The following SND1 variants were observed in gnomAD, a reference collection of about 807,000 sequenced individuals.
SND1 encodes staphylococcal nuclease and tudor domain containing 1, also known as staphylococcal nuclease domain-containing protein 1.
In SND1, 38 loss-of-function variants were observed where a neutral mutation model predicts 121.7. The ratio of observed to expected loss-of-function variants is 0.31; its 90% CI spans 0.24 to 0.41. The LOEUF (loss-of-function observed/expected upper bound fraction) is 0.41, where lower values mean the gene tolerates loss of function less well. SND1 is among the 10% of genes least tolerant of loss of function. The pLI is 1.00. For synonymous variants in SND1, 401 were observed against 447.4 expected (o/e 0.90, Z 1.31); for missense variants, 868 against 1,184.6 (o/e 0.73, Z 3.92).
At chr7:127,762,469 A>G (rs1797321703) in intron 10 of SND1, among the ~76,000 whole-genome samples, 1 of 152,182 alleles carries the variant, frequency 6.6e-6, no homozygotes, top group Non-Finnish European at 1.5e-5. Context: ...GGAGCACCAG[A>G]TTAGGACCCA....
At chr7:127,658,508 A>G (rs749418279) in intron 1 of SND1, among the ~76,000 whole-genome samples, 4 of 152,246 alleles carry the variant, frequency 2.6e-5, no homozygotes, top group Non-Finnish European at 4.4e-5. Flanking sequence ...AGAGCTAAAT[A>G]GCATCTAGAA....
chr7:127,799,525 A>T (rs1798089711), intron 10 of SND1, among the ~76,000 whole-genome samples: 1 of 152,166 alleles, frequency 6.6e-6, no homozygotes. Context: ...GAGAAATTGG[A>T]GGGTCCTACA....
At chr7:127,831,931 A>G (rs1282996716) in intron 11 of SND1, among the ~76,000 whole-genome samples, 1 of 152,188 alleles carries the variant, frequency 6.6e-6, no homozygotes, top group Admixed American at 6.5e-5. Flanking sequence ...GCCCTTCTAC[A>G]GTGCCAAGTA....
intron 17 of SND1, among the ~76,000 whole-genome samples, chr7:128,079,509 G>T (rs968261131): frequency 3.3e-5 from 5 of 152,236 alleles, no homozygotes; most frequent in African/African-American, 1.2e-4. Context: ...TATTTGGGTA[G>T]GAGGCCAGAC....
At chr7:127,665,016 A>G (rs1795387970) in intron 1 of SND1, among the ~76,000 whole-genome samples, 1 of 152,122 alleles carries the variant, frequency 6.6e-6, no homozygotes, top group African/African-American at 2.4e-5. Context: ...GTTTGGGGAG[A>G]TATCACTGGA....
intron 16 of SND1, among the ~76,000 whole-genome samples, chr7:128,058,394 G>T (rs1309780502): frequency 6.6e-6 from 1 of 152,232 alleles, no homozygotes; most frequent in East Asian, 1.9e-4. Flanking sequence ...TGAAGAAACT[G>T]AAGCACAAAG....
At chr7:127,670,834 T>TAA (rs930807697) in intron 1 of SND1, among the ~76,000 whole-genome samples, 1 of 137,568 alleles carries the variant, frequency 7.3e-6, no homozygotes, top group East Asian at 2.1e-4. Flanking sequence ...TATATGCAAT[T>TAA]AAAAAAAAAA....
chr7:128,054,179 C>G (rs1021989573), intron 16 of SND1, among the ~76,000 whole-genome samples: 1 of 152,210 alleles, frequency 6.6e-6, no homozygotes, highest in African/African-American at 2.4e-5. Context: ...ATGCAGACCT[C>G]TGTAGACCAC....
intron 14 of SND1, among the ~76,000 whole-genome samples, chr7:127,914,173 G>T (rs964820622): frequency 2.7e-4 from 41 of 152,106 alleles, no homozygotes; most frequent in Admixed American, 2.7e-3. Flanking sequence ...GTGTTATATT[G>T]ATTTGTATTA....
At chr7:127,666,302 A>G (rs1487916892) in intron 1 of SND1, among the ~76,000 whole-genome samples, 1 of 152,214 alleles carries the variant, frequency 6.6e-6, no homozygotes, top group Non-Finnish European at 1.5e-5. Flanking sequence ...AATCCTTAAG[A>G]GTTCCCATAT....
At chr7:127,699,078 G>T in intron 4 of SND1, 125 bp downstream of exon 4, 1 of 718,806 alleles carries the variant, frequency 1.4e-6, no homozygotes, top group Non-Finnish European at 2.4e-6. Context: ...TTCTTGCCCA[G>T]GTATGGATTA....
At chr7:127,653,416 C>T (rs1795157046) in intron 1 of SND1, among the ~76,000 whole-genome samples, 1 of 152,180 alleles carries the variant, frequency 6.6e-6, no homozygotes, top group South Asian at 2.1e-4. Context: ...GATGTCGTTT[C>T]ATACTGCAGT....
rs777597202 is a variant in SND1 at position 127,707,628 on chromosome 7, A to G, written c.1019A>G (p.Asp340Gly). The change falls in exon 9 of 24, where the codon GAC becomes GGC. Residue 340 changes from aspartate to glycine, a missense_variant. Coordinates refer to ENST00000354725, the MANE Select transcript of SND1 (RefSeq NM_014390.4). ...VAPTANLDQKDKQFVAKVMQV... is the reference protein window; with the variant it reads ...VAPTANLDQKGKQFVAKVMQV... Reference sequence around the variant, plus strand: ...CCCACAGCTAATTTGGACCAAAAGGACAAGCAGTTTGTTGCCAAGGTGAGT... The same window carrying G: ...CCCACAGCTAATTTGGACCAAAAGGGCAAGCAGTTTGTTGCCAAGGTGAGT... 6.2e-7 allele frequency: 1 copy of G among 1,614,110 alleles called. No individual in the cohort carries two copies. The highest frequency in any genetic ancestry group is 8.5e-7 in the Non-Finnish European group (1 of 1,179,954).
At chr7:127,977,945 G>A (rs1802163335) in intron 15 of SND1, among the ~76,000 whole-genome samples, 1 of 152,164 alleles carries the variant, frequency 6.6e-6, no homozygotes, top group Admixed American at 6.5e-5. Flanking sequence ...GGTGGCAGAG[G>A]TTTAGGAGGA....
intron 10 of SND1, among the ~76,000 whole-genome samples, chr7:127,744,709 A>G (rs1223914931): frequency 1.3e-5 from 2 of 152,206 alleles, no homozygotes; most frequent in Non-Finnish European, 2.9e-5. Context: ...GATAACCTTT[A>G]ATCTTGGTCC....
intron 16 of SND1, among the ~76,000 whole-genome samples, chr7:128,007,414 G>A (rs548961651): frequency 5.9e-5 from 9 of 152,280 alleles, no homozygotes; most frequent in African/African-American, 2.2e-4. Context: ...GAAGTGGCTC[G>A]GCTCCTAGTA....
intron 1 of SND1, chr7:127,678,927 G>T (rs1795660221): frequency 6.6e-6 from 1 of 152,158 alleles, no homozygotes; most frequent in African/African-American, 2.4e-5. Flanking sequence ...TCCCCTGATG[G>T]TATTTTTAGG....
chr7:127,958,248 A>G (rs1801646821), intron 15 of SND1, among the ~76,000 whole-genome samples: 1 of 152,114 alleles, frequency 6.6e-6, no homozygotes, highest in South Asian at 2.1e-4. Context: ...AGGATGAATC[A>G]CTCTTCTGAA....
chr7:127,961,503 T>TA (rs955426473), intron 15 of SND1, among the ~76,000 whole-genome samples: 1 of 152,188 alleles, frequency 6.6e-6, no homozygotes, highest in Admixed American at 6.5e-5. Flanking sequence ...TTTGCCACTG[T>TA]AAAAAACACG....
Sources: allele counts gnomAD v4.1 joint callset (sites outside exome capture counted in the v4.1 genomes callset), GRCh38; gene constraint gnomAD v4.1.1; transcripts MANE v1.5; gene names NCBI Gene and HGNC (gene_info 2026-07-23, HGNC 2026-07-21).